FAM81A: variants seen among roughly 807,000 people sequenced by gnomAD.
The protein encoded by FAM81A is protein FAM81A.
In FAM81A, 19 loss-of-function variants were observed where a neutral mutation model predicts 46.7. The observed-to-expected ratio is 0.41, with a 90% confidence interval of 0.28 to 0.60. The LOEUF (loss-of-function observed/expected upper bound fraction) is 0.60, where lower values mean the gene tolerates loss of function less well. Among genes scored for constraint, FAM81A ranks in the 20% least tolerant of loss-of-function variants. The pLI, the probability that FAM81A is intolerant of heterozygous loss-of-function variation, is 0.34. For synonymous variants in FAM81A, 183 were observed against 152.9 expected, an observed-to-expected ratio of 1.20 and a Z score of -1.45; for missense variants, 377 against 453.5, an observed-to-expected ratio of 0.83 and a Z score of 1.53.
At chr15:59,482,823 G>A (rs16941441) in intron 3 of FAM81A, among the ~76,000 whole-genome samples, 12,437 of 152,178 alleles carry the variant, frequency 0.082, 610 homozygotes, top group African/African-American at 0.13. Flanking sequence ...AGAGTGCACC[G>A]GAGCTTGCCA....
At chr15:59,407,916 G>A (rs183313584) in intron 2 of FAM81A, 131 of 184,186 alleles carry the variant, frequency 7.1e-4, no homozygotes, top group South Asian at 1.5e-3. Context: ...GAACTGGTTC[G>A]TTGCAGGAGG....
At chr15:59,491,162 C>T (rs1161062740) in intron 3 of FAM81A, among the ~76,000 whole-genome samples, 1 of 152,102 alleles carries the variant, frequency 6.6e-6, no homozygotes, top group Non-Finnish European at 1.5e-5. Context: ...GGAAGCTACC[C>T]AAGTGTCCAT....
chr15:59,473,088 G>A (rs1315912385), intron 3 of FAM81A, among the ~76,000 whole-genome samples: 1 of 152,110 alleles, frequency 6.6e-6, no homozygotes, highest in Non-Finnish European at 1.5e-5. Flanking sequence ...CTAACGACAG[G>A]TAAAATCCAA....
chr15:59,504,975 T>C (rs1192681089), intron 4 of FAM81A, among the ~76,000 whole-genome samples: 1 of 152,214 alleles, frequency 6.6e-6, no homozygotes, highest in Non-Finnish European at 1.5e-5. Context: ...ATCTTAAAAT[T>C]CATGTCTTTC....
chr15:59,458,461 A>G lies in FAM81A; in HGVS notation c.-77-89A>G, dbSNP rs188568290. 324 of 785,314 alleles carry G rather than the reference A, an allele frequency of 4.1e-4. 1 individual carries two copies. In the East Asian group the frequency reaches 6.4e-3, roughly 16 times the overall value. The allele number at this position is 785,314 out of a possible 1,614,324, so 48.6% of individuals were successfully genotyped here. A position where few individuals can be genotyped will look rare whatever the true frequency, so the allele number is the denominator to read the frequency against. ...ACTTATCAGTGTTTCAACATAATTTATGATCCACTTAGCAACTTAATAATA... is the reference window on the plus strand; with the variant it reads ...ACTTATCAGTGTTTCAACATAATTTGTGATCCACTTAGCAACTTAATAATA... On this transcript the variant is annotated intron_variant, in intron 1 of 8. Coordinates refer to ENST00000288228, the MANE Select transcript of FAM81A (RefSeq NM_152450.3).
At chr15:59,421,790 T>TACCTAC (rs1567039174) in intron 2 of FAM81A, among the ~76,000 whole-genome samples, 8 of 143,390 alleles carry the variant, frequency 5.6e-5, no homozygotes, top group South Asian at 2.3e-4. Context: ...TATCTATCTA[T>TACCTAC]CTACCTACCT....
At chr15:59,403,113 T>C (rs1296718127) in intron 2 of FAM81A, among the ~76,000 whole-genome samples, 2 of 152,150 alleles carry the variant, frequency 1.3e-5, no homozygotes, top group African/African-American at 2.4e-5. Flanking sequence ...TCATGCTCCA[T>C]CAGAGGTCTC....
chr15:59,454,801 A>AT lies in FAM81A; in HGVS notation c.-77-3740dup, dbSNP rs1248395474. Among the ~76,000 whole-genome samples the AT allele has an allele frequency of 9.3e-3, 1,371 of 147,874 alleles. 21 individuals carry two copies. Among genetic ancestry groups the AT allele is most frequent in the African/African-American group, 0.031 (1,256 of 40,080 alleles). On this transcript the variant is annotated intron_variant, in intron 1 of 8. Transcript: ENST00000288228. ...CCACCATGCCCAGCTAATTTTTTTT[A>AT]TTTTTTTTTACTTTTTGTAGAGACG...
intron 3 of FAM81A, among the ~76,000 whole-genome samples, chr15:59,475,654 T>C (rs2081757379): frequency 6.6e-6 from 1 of 152,238 alleles, no homozygotes. Context: ...GAAAACTGAG[T>C]AAAATCTAAA....
chr15:59,456,207 A>C (rs906047268), intron 1 of FAM81A, among the ~76,000 whole-genome samples: 2 of 148,668 alleles, frequency 1.3e-5, no homozygotes, highest in African/African-American at 4.9e-5. Context: ...TGGGAAGGGC[A>C]TTTCCCATAG....
chr15:59,450,716 C>G (rs546175654), intron 1 of FAM81A, among the ~76,000 whole-genome samples: 1 of 152,300 alleles, frequency 6.6e-6, no homozygotes, highest in Non-Finnish European at 1.5e-5. Flanking sequence ...AACAACAAAA[C>G]TTATTCAAGT....
At chr15:59,451,022 T>G (rs1285150721) in intron 1 of FAM81A, among the ~76,000 whole-genome samples, 4 of 151,992 alleles carry the variant, frequency 2.6e-5, no homozygotes, top group Non-Finnish European at 4.4e-5. Context: ...ACAAGGATGG[T>G]GTTGTGGGGG....
At chr15:59,451,143 A>G (rs576312104) in intron 1 of FAM81A, among the ~76,000 whole-genome samples, 2 of 152,268 alleles carry the variant, frequency 1.3e-5, no homozygotes, top group South Asian at 4.1e-4. Flanking sequence ...GTGATCAGAG[A>G]TTATCAGGGG....
rs139162318 is a variant in FAM81A, at chr15:59,402,364, A to C, written c.-78+6A>C. ...GCCTGCAGAGAGGTGGAGAGGTAAC[A>C]GCATGTGGGACGGGGAGAGTCTGCT... On this transcript the variant is annotated splice_donor_region_variant and intron_variant, in intron 2 of 4. Transcript: ENST00000558348. 243 of 153,892 alleles carry C rather than the reference A, an allele frequency of 1.6e-3. 3 individuals are homozygous for C. The highest frequency in any genetic ancestry group is 5.8e-3 in the African/African-American group (239 of 41,534). 9.5% of individuals were successfully genotyped at this position (153,892 alleles called of 1,614,324 possible).
Position 59,516,775 on chromosome 15 carries a change from G to T in FAM81A, c.917G>T (p.Arg306Leu). Residue 306 changes from arginine to leucine, a missense_variant, in exon 8 of 9, where the codon CGA becomes CTA. Physicochemically the swap from Arg to Leu is moderately radical, Grantham distance 102. Coordinates refer to ENST00000288228, the MANE Select transcript of FAM81A (RefSeq NM_152450.3). ...CAAGAAGAGGAGAAGATGCACGGGC[G>T]AATCACCAAGCTGGAGTTACAGATG... ...TRQEEEKMHGRITKLELQMNQ... is the reference protein window; with the variant it reads ...TRQEEEKMHGLITKLELQMNQ... The T allele has an allele frequency of 1.2e-6, 2 of 1,612,566 alleles. No homozygotes were observed. The highest frequency in any genetic ancestry group is 2.2e-5 in the South Asian group (2 of 90,842).
At chr15:59,445,933 G>T (rs1247239691) in intron 1 of FAM81A, among the ~76,000 whole-genome samples, 2 of 152,214 alleles carry the variant, frequency 1.3e-5, no homozygotes, top group Non-Finnish European at 2.9e-5. Context: ...CTTTTTGGGT[G>T]TGAGTGCCCG....
intron 2 of FAM81A, among the ~76,000 whole-genome samples, chr15:59,432,900 C>T (rs1206036413): frequency 6.6e-6 from 1 of 151,538 alleles, no homozygotes; most frequent in African/African-American, 2.4e-5. Context: ...CTTTGGGAGG[C>T]TGAGGTGGGC....
intron 6 of FAM81A, among the ~76,000 whole-genome samples, chr15:59,510,005 G>A (rs2082188287): frequency 6.6e-6 from 1 of 152,070 alleles, no homozygotes; most frequent in African/African-American, 2.4e-5. Context: ...TAGAGGAGAA[G>A]CAGTATCAAA....
chr15:59,419,899 G>C (rs377765906), intron 2 of FAM81A, among the ~76,000 whole-genome samples: 16 of 152,086 alleles, frequency 1.1e-4, no homozygotes, highest in African/African-American at 3.6e-4. Flanking sequence ...AACAAACAAA[G>C]AAACCAAAAA....
Sources: gnomAD v4.1 joint callset for allele counts (sites outside exome capture counted in the v4.1 genomes callset) on GRCh38, gnomAD v4.1.1 for gene constraint, MANE v1.5 for transcripts, NCBI Gene and HGNC (gene_info 2026-07-23, HGNC 2026-07-21) for gene names.